The following MCC variants were observed in gnomAD, a reference collection of about 807,000 sequenced individuals.
The protein encoded by MCC is colorectal mutant cancer protein.
MCC carries 90 observed loss-of-function variants against 116.2 expected under a neutral mutation model. The observed-to-expected ratio is 0.77, with a 90% CI of 0.65 to 0.92. MCC has a LOEUF of 0.92. MCC is among the 40% of genes least tolerant of loss of function. The pLI is 0.00. For synonymous variants in MCC, 578 were observed against 510.5 expected (o/e 1.13, Z -1.78); for missense variants, 1,516 against 1,312.2 (o/e 1.16, Z -2.40).
At chr5:113,044,401 C>T in intron 16 of MCC, 1 of 719,430 alleles carries the variant, frequency 1.4e-6, no homozygotes, top group Non-Finnish European at 1.7e-6. Flanking sequence ...AGTGACCATG[C>T]CTGAGTGCTC....
intron 1 of MCC, chr5:113,435,979 T>C (rs1375209577): frequency 2.0e-5 from 3 of 152,528 alleles, no homozygotes; most frequent in African/African-American, 7.2e-5. Context: ...GTCCAGCACC[T>C]GCTCTGGGCC....
chr5:113,175,587 G>T lies in MCC; in HGVS notation c.628-24165C>A, dbSNP rs112636812. Among the ~76,000 whole-genome samples the T allele has an allele frequency of 7.5e-3, 1,138 of 152,184 alleles. 24 individuals carry two copies. The highest frequency in any genetic ancestry group is 0.026 in the African/African-American group (1,069 of 41,508). ...TGACAGATAAATAGATATGATGCTA[G>T]GGATACTGCAATGTATTTCACTTTT... On this transcript the variant is annotated intron_variant, in intron 3 of 18. Coordinates refer to ENST00000408903, the MANE Select transcript of MCC (RefSeq NM_001085377.2).
intron 3 of MCC, among the ~76,000 whole-genome samples, chr5:113,284,091 T>C (rs1482090658): frequency 6.6e-6 from 1 of 152,246 alleles, no homozygotes; most frequent in African/African-American, 2.4e-5. Context: ...ATGTTATCAG[T>C]AAGTCTTCTG....
In MCC at chr5:113,122,734, G is replaced by A. The variant is rs1178596450; in HGVS notation, c.977C>T (p.Thr326Ile). 1 of 1,614,198 alleles carries A rather than the reference G, an allele frequency of 6.2e-7. No homozygotes were observed. The highest frequency in any genetic ancestry group is 8.5e-7 in the Non-Finnish European group (1 of 1,180,020). ...CTGGTTTTCGGGGATAGAGACAGAGGTCTGGTCTTGGTCCATGCTTCGAGA... is the reference window on the plus strand; with the variant it reads ...CTGGTTTTCGGGGATAGAGACAGAGATCTGGTCTTGGTCCATGCTTCGAGA... ...EDSRSMDQDQ[T>I]SVSIPENQST... The change falls in exon 6 of 19, where the codon ACC becomes ATC. Residue 326 changes from threonine to isoleucine, a missense_variant. By Grantham distance (89) the Thr-to-Ile change is moderately conservative. Coordinates refer to ENST00000408903, the MANE Select transcript of MCC (RefSeq NM_001085377.2).
At chr5:113,357,809 G>T (rs778082585) in intron 2 of MCC, among the ~76,000 whole-genome samples, 1 of 152,166 alleles carries the variant, frequency 6.6e-6, no homozygotes, top group African/African-American at 2.4e-5. Context: ...CATGTGGATA[G>T]CCCAACCAAA....
intron 1 of MCC, among the ~76,000 whole-genome samples, chr5:113,469,069 C>T (rs1346557917): frequency 6.6e-6 from 1 of 152,074 alleles, no homozygotes; most frequent in Non-Finnish European, 1.5e-5. Flanking sequence ...TGATTCTTCT[C>T]TCTTTTCTTC....
intron 1 of MCC, chr5:113,433,698 G>A (rs1337433614): frequency 3.2e-6 from 5 of 1,581,150 alleles, no homozygotes; most frequent in Non-Finnish European, 4.3e-6. Context: ...TGGGCTTTAA[G>A]CCGTGAGCTC....
intron 8 of MCC, among the ~76,000 whole-genome samples, chr5:113,086,394 T>G (rs1453911129): frequency 6.6e-6 from 1 of 152,170 alleles, no homozygotes; most frequent in Non-Finnish European, 1.5e-5. Context: ...GTGTCTGTAT[T>G]GGGGAAAATA....
intron 3 of MCC, among the ~76,000 whole-genome samples, chr5:113,175,227 A>T (rs992374933): frequency 6.6e-6 from 1 of 152,240 alleles, no homozygotes; most frequent in Non-Finnish European, 1.5e-5. Flanking sequence ...GGATATTAAC[A>T]ATGCAAATGT....
At position 113,421,052 on chromosome 5, in the gene MCC, C is replaced by A. The variant is rs1770320401; in HGVS notation, c.171-35840G>T. Among the ~76,000 whole-genome samples the A allele has an allele frequency of 4.6e-5, 7 of 151,576 alleles. No homozygotes were observed. In the South Asian group the frequency reaches 1.5e-3, roughly 32 times the overall value. ...ATTTATTTTTTTTTTGAGATGGAGT[C>A]TCACTCTGTTGCCTAGGCTGGAGTA... On this transcript the variant is annotated intron_variant, in intron 1 of 18. Coordinates refer to ENST00000408903, the MANE Select transcript of MCC (RefSeq NM_001085377.2).
intron 5 of MCC, among the ~76,000 whole-genome samples, chr5:113,129,611 C>T (rs542323161): frequency 1.4e-4 from 21 of 152,158 alleles, no homozygotes; most frequent in Admixed American, 3.3e-4. Flanking sequence ...ACATGCAAGC[C>T]GTCTTATGTC....
intron 1 of MCC, among the ~76,000 whole-genome samples, chr5:113,456,525 T>G (rs1206881152): frequency 6.6e-6 from 1 of 151,714 alleles, no homozygotes; most frequent in Admixed American, 6.6e-5. Flanking sequence ...GGTGTGATCT[T>G]GGCTCACTGC....
intron 14 of MCC, among the ~76,000 whole-genome samples, chr5:113,060,151 T>C (rs201394365): frequency 0.077 from 11,712 of 151,480 alleles, 565 homozygotes; most frequent in East Asian, 0.22. Flanking sequence ...GCTCTTTTTG[T>C]TTGTTTGTTT....
intron 3 of MCC, among the ~76,000 whole-genome samples, chr5:113,331,029 C>T (rs1017655637): frequency 2.3e-4 from 35 of 152,326 alleles, no homozygotes; most frequent in Admixed American, 2.0e-4. Flanking sequence ...ACTAGTGTGG[C>T]ATACGCACTA....
chr5:113,268,881 A>C (rs1051643436), intron 3 of MCC, among the ~76,000 whole-genome samples: 3 of 152,196 alleles, frequency 2.0e-5, no homozygotes, highest in African/African-American at 7.2e-5. Flanking sequence ...AGTTTTACTC[A>C]ATGGTATCCT....
chr5:113,146,019 C>T (rs894724061), intron 4 of MCC, among the ~76,000 whole-genome samples: 5 of 152,084 alleles, frequency 3.3e-5, no homozygotes, highest in African/African-American at 9.7e-5. Context: ...AGCTCAAGCA[C>T]TGATTTAGGA....
intron 3 of MCC, among the ~76,000 whole-genome samples, chr5:113,283,392 G>A (rs1766126693): frequency 2.0e-5 from 3 of 152,156 alleles, no homozygotes; most frequent in Non-Finnish European, 4.4e-5. Flanking sequence ...CAAAGAAAAT[G>A]TATAAATGGC....
chr5:113,108,969 G>A (rs1266681594), intron 6 of MCC, among the ~76,000 whole-genome samples: 1 of 152,154 alleles, frequency 6.6e-6, no homozygotes, highest in Non-Finnish European at 1.5e-5. Context: ...CTCACAGGAG[G>A]ACGAGGAGAC....
At chr5:113,470,369 C>A (rs1279224877) in intron 1 of MCC, among the ~76,000 whole-genome samples, 48 of 151,130 alleles carry the variant, frequency 3.2e-4, no homozygotes, top group Non-Finnish European at 3.6e-4. Context: ...TCTTTTAGGG[C>A]AGGCCTGGTG....
Sources: allele counts gnomAD v4.1 joint callset (sites outside exome capture counted in the v4.1 genomes callset), GRCh38; gene constraint gnomAD v4.1.1; transcripts MANE v1.5; gene names NCBI Gene and HGNC (gene_info 2026-07-23, HGNC 2026-07-21).